Variants in ZFYVE27 observed in about 807,000 individuals in gnomAD.
ZFYVE27 encodes zinc finger FYVE-type containing 27, also known as protrudin.
Under a neutral mutation model 52.8 loss-of-function variants are expected in ZFYVE27, and 36 were observed. That is an observed-to-expected ratio of 0.68 (90% CI 0.52 to 0.90). The LOEUF (loss-of-function observed/expected upper bound fraction) is 0.90. Ranked by LOEUF, ZFYVE27 falls within the 40% of genes least tolerant of loss-of-function variation. The pLI, the probability that ZFYVE27 is intolerant of heterozygous loss-of-function variation, is 0.00. For missense variants in ZFYVE27, 450 were observed against 527.2 expected (o/e 0.85, Z 1.43); for synonymous variants, 223 against 215.6 (o/e 1.03, Z -0.30).
At chr10:97,740,439 C>T (rs1490754518) in intron 2 of ZFYVE27, among the ~76,000 whole-genome samples, 2 of 152,212 alleles carry the variant, frequency 1.3e-5, no homozygotes, top group Non-Finnish European at 2.9e-5. Context: ...GTTTGGTCTT[C>T]TTTAGGAGAG....
intron 1 of ZFYVE27, among the ~76,000 whole-genome samples, chr10:97,738,175 G>A (rs535889464): frequency 1.3e-5 from 2 of 152,326 alleles, no homozygotes; most frequent in South Asian, 2.1e-4. Context: ...GATACCTGAA[G>A]GATGAGTAGG....
In ZFYVE27 at chr10:97,752,950, C is replaced by T. The variant is rs1421254596; in HGVS notation, c.897+73C>T. On this transcript the variant is annotated intron_variant, in intron 9 of 12. Transcript: ENST00000684270. ...GGCTGAACCGGCTGCTGCCACACCT[C>T]GTGGGGGCTGCCGCGCAGGATGCCT... 1.4e-5 allele frequency: 23 copies of T among 1,612,584 alleles called. 1 individual carries two copies. The highest frequency in any genetic ancestry group is 2.2e-5 in the East Asian group (1 of 44,810).
Position 97,750,346 on chromosome 10 carries a change from G to A in ZFYVE27, c.680G>A (p.Arg227Lys), listed in dbSNP as rs2046602733. 6.2e-7 allele frequency: 1 copy of A among 1,613,954 alleles called. No homozygotes were observed. The highest frequency in any genetic ancestry group is 8.5e-7 in the Non-Finnish European group (1 of 1,180,040). The change falls in exon 7 of 13, where the codon AGG becomes AAG. Residue 227 changes from arginine to lysine, a missense_variant. Transcript: ENST00000684270. ...VEFFRVVSEY[R>K]ASLQQRMNPK... ...CCCTGGGTAGTTGTGTCTGAGTACA[G>A]GGCATCTCTGCAGCAGAGGATGAAC...
At chr10:97,755,124 C>T (rs1373477083) in intron 10 of ZFYVE27, among the ~76,000 whole-genome samples, 2 of 152,264 alleles carry the variant, frequency 1.3e-5, no homozygotes, top group Non-Finnish European at 2.9e-5. Context: ...CCTTTTCAGC[C>T]TCCCTCAAGG....
At chr10:97,743,017 C>G in intron 2 of ZFYVE27, 77 bp from the exon 3 acceptor site, 1 of 1,496,844 alleles carries the variant, frequency 6.7e-7, no homozygotes, top group Middle Eastern at 1.7e-4. Context: ...GTTTGATGTC[C>G]CGTCTGTGCT....
chr10:97,749,542 T>G lies in ZFYVE27; in HGVS notation c.620T>G (p.Leu207Arg). 1 of 1,614,180 alleles carries G rather than the reference T, an allele frequency of 6.2e-7. No individual in the cohort carries two copies. Reference protein sequence around the residue: ...YLLPLCWVLTLLNSTLFLGNV... With the variant: ...YLLPLCWVLTRLNSTLFLGNV... Reference sequence around the variant, plus strand: ...CTGCCACTCTGCTGGGTTCTCACCCTTTTAAACAGCACGCTCTTTCTGGGG... The same window carrying G: ...CTGCCACTCTGCTGGGTTCTCACCCGTTTAAACAGCACGCTCTTTCTGGGG... The change falls in exon 6 of 13, where the codon CTT (leucine) becomes CGT (arginine). Residue 207 changes from leucine to arginine, a missense_variant. Leu to Arg is a moderately radical substitution (Grantham distance 102, BLOSUM62 -2). Transcript: ENST00000684270.
intron 10 of ZFYVE27, chr10:97,754,723 G>C: frequency 2.3e-6 from 3 of 1,289,304 alleles, no homozygotes; most frequent in Non-Finnish European, 3.0e-6. Flanking sequence ...CATCCTTACC[G>C]TAGGTGTGAC....
chr10:97,745,657 C>T (rs2045097019), intron 4 of ZFYVE27, among the ~76,000 whole-genome samples: 1 of 152,176 alleles, frequency 6.6e-6, no homozygotes, highest in Admixed American at 6.5e-5. Context: ...ACAGGGCTTA[C>T]TCAGAAGGTG....
chr10:97,748,374 C>T lies in ZFYVE27; in HGVS notation c.551+10C>T. The T allele has an allele frequency of 1.9e-6, 3 of 1,612,986 alleles. No individual in the cohort carries two copies. Among genetic ancestry groups the T allele is most frequent in the South Asian group, 2.2e-5 (2 of 90,884 alleles). Reference sequence around the variant, plus strand: ...CCGTCGTGTCCTCACAGTGAGTGACCCCTCCTCTCCCGCCACCACCCTATA... The same window carrying T: ...CCGTCGTGTCCTCACAGTGAGTGACTCCTCCTCTCCCGCCACCACCCTATA... On this transcript the variant is annotated intron_variant, in intron 5 of 12. Coordinates refer to ENST00000684270, the MANE Select transcript of ZFYVE27 (RefSeq NM_001385875.1).
chr10:97,743,247 G>T, intron 3 of ZFYVE27, 83 bp downstream of exon 3: 3 of 1,477,876 alleles, frequency 2.0e-6, no homozygotes, highest in Non-Finnish European at 2.8e-6. Context: ...CCCTATGTGT[G>T]GGAGCTGCTC....
intron 10 of ZFYVE27, among the ~76,000 whole-genome samples, chr10:97,755,328 G>A (rs1359236443): frequency 6.6e-6 from 1 of 152,216 alleles, no homozygotes; most frequent in East Asian, 1.9e-4. Context: ...TGCTTTGGGG[G>A]CTTTCTCCAT....
chr10:97,739,203 C>T (rs2042923010), intron 2 of ZFYVE27, among the ~76,000 whole-genome samples: 1 of 150,314 alleles, frequency 6.7e-6, no homozygotes, highest in African/African-American at 2.4e-5. Context: ...CTCAAGCGAT[C>T]CTCCTACCTC....
At chr10:97,752,907 G>C in intron 9 of ZFYVE27, 30 bp downstream of exon 9, 1 of 1,613,690 alleles carries the variant, frequency 6.2e-7, no homozygotes, top group Non-Finnish European at 8.5e-7. Flanking sequence ...GGTGGGCAGG[G>C]GCTGGGCTGG....
intron 4 of ZFYVE27, among the ~76,000 whole-genome samples, chr10:97,747,487 ATTTTTTTAGCTGGC>A (rs2045770524): frequency 6.6e-6 from 1 of 152,104 alleles, no homozygotes; most frequent in Admixed American, 6.5e-5. Context: ...TTCTATCGAC[ATTTTTTTAGCTGGC>A]TTTCTACTAT....
chr10:97,752,280 A>G (rs1378498731), intron 8 of ZFYVE27, among the ~76,000 whole-genome samples: 1 of 152,122 alleles, frequency 6.6e-6, no homozygotes, highest in Non-Finnish European at 1.5e-5. Flanking sequence ...TATAAGAAAA[A>G]CACCTCGTGG....
rs915790387 is a variant in ZFYVE27 at position 97,752,791 on chromosome 10, G to C, written c.877-66G>C. ...TTCTGCTTGGGGGCCCCTCCAGGTAGCTTCTTTCTTCTTGCTATCTTTTTC... is the reference window on the plus strand; with the variant it reads ...TTCTGCTTGGGGGCCCCTCCAGGTACCTTCTTTCTTCTTGCTATCTTTTTC... On this transcript the variant is annotated intron_variant, in intron 8 of 12. Coordinates refer to ENST00000684270, the MANE Select transcript of ZFYVE27 (RefSeq NM_001385875.1). The C allele has an allele frequency of 8.8e-6, 14 of 1,585,580 alleles. No homozygotes were observed. The Admixed American group carries it at 2.3e-4, about 26-fold the overall frequency.
In ZFYVE27 at chr10:97,759,866, G is replaced by C. The variant is rs750798365; in HGVS notation, c.*566G>C. The C allele has an allele frequency of 1.2e-5, 2 of 171,572 alleles. No homozygotes were observed. The highest frequency in any genetic ancestry group is 5.4e-5 in the Admixed American group (1 of 18,506). The allele number at this position is 171,572 out of a possible 1,614,324, so 10.6% of individuals were successfully genotyped here. A position where few individuals can be genotyped will look rare whatever the true frequency, so the allele number is the denominator to read the frequency against. On this transcript the variant is annotated 3_prime_UTR_variant, in exon 13 of 13. Coordinates refer to ENST00000684270, the MANE Select transcript of ZFYVE27 (RefSeq NM_001385875.1). ...TGTGGCCAGGCCTAACAAGACCATG[G>C]GTGCTTCTAGAAACAGGGTTGAAGT... is the stretch of plus-strand genomic sequence containing the variant.
intron 4 of ZFYVE27, among the ~76,000 whole-genome samples, chr10:97,746,726 G>T (rs2045544557): frequency 7.1e-6 from 1 of 140,830 alleles, no homozygotes. Context: ...GTTTTGCTCT[G>T]TCATCCAGGC....
chr10:97,759,318 C>T lies in ZFYVE27; in HGVS notation c.*18C>T, dbSNP rs1216170764. 6.2e-7 allele frequency: 1 copy of T among 1,614,056 alleles called. No individual in the cohort carries two copies. The highest frequency in any genetic ancestry group is 1.7e-5 in the Admixed American group (1 of 60,012). On this transcript the variant is annotated 3_prime_UTR_variant, in exon 13 of 13. Coordinates refer to ENST00000684270, the MANE Select transcript of ZFYVE27 (RefSeq NM_001385875.1). ...GCAAGTGAGAAGAGAGGCCAGGGTCCAACCAGGCACCCGTCCTTGGGACCA... is the reference window on the plus strand; with the variant it reads ...GCAAGTGAGAAGAGAGGCCAGGGTCTAACCAGGCACCCGTCCTTGGGACCA...
Sources: gnomAD v4.1 joint callset for allele counts (sites outside exome capture counted in the v4.1 genomes callset) on GRCh38, gnomAD v4.1.1 for gene constraint, MANE v1.5 for transcripts, NCBI Gene and HGNC (gene_info 2026-07-23, HGNC 2026-07-21) for gene names.